Variants in AGMO observed in about 807,000 individuals in gnomAD.
AGMO encodes alkylglycerol monooxygenase.
AGMO carries 75 observed loss-of-function variants against 60.2 expected under a neutral mutation model. That is an observed-to-expected ratio of 1.25 (90% CI 1.03 to 1.51). The LOEUF (loss-of-function observed/expected upper bound fraction) is 1.51, where lower values mean the gene tolerates loss of function less well. AGMO is among the 40% of genes most tolerant of loss of function. The pLI is 0.00. For missense variants in AGMO, 763 were observed against 525.5 expected, an observed-to-expected ratio of 1.45 and a Z score of -4.42; for synonymous variants, 261 against 177.1, an observed-to-expected ratio of 1.47 and a Z score of -3.76.
intron 3 of AGMO, among the ~76,000 whole-genome samples, chr7:15,453,661 G>A (rs1781914181): frequency 6.6e-6 from 1 of 152,112 alleles, no homozygotes; most frequent in Non-Finnish European, 1.5e-5. Context: ...AAACCTAGAA[G>A]GTGAAAAACA....
chr7:15,426,975 T>C (rs1039715788), intron 4 of AGMO, among the ~76,000 whole-genome samples: 1 of 152,144 alleles, frequency 6.6e-6, no homozygotes, highest in Non-Finnish European at 1.5e-5. Flanking sequence ...ATAAGGAGTC[T>C]ATTATATTCC....
At chr7:15,330,371 C>T (rs1196272928) in intron 12 of AGMO, among the ~76,000 whole-genome samples, 2 of 152,112 alleles carry the variant, frequency 1.3e-5, no homozygotes, top group Admixed American at 1.3e-4. Context: ...TGTTCTTATA[C>T]AAATTAAATT....
intron 3 of AGMO, among the ~76,000 whole-genome samples, chr7:15,477,631 C>T (rs1335421300): frequency 6.6e-6 from 1 of 152,124 alleles, no homozygotes; most frequent in African/African-American, 2.4e-5. Flanking sequence ...AGGCAGTTCA[C>T]TGATGTCCAC....
At chr7:15,120,469 C>T in the AGMO span, among the ~76,000 whole-genome samples, 11 of 152,066 alleles carry the variant, frequency 7.2e-5, no homozygotes, top group Middle Eastern at 3.2e-3. Flanking sequence ...ATGGAGCCTT[C>T]GGGAGGTAAT....
chr7:15,527,289 G>C (rs888953833), intron 3 of AGMO, among the ~76,000 whole-genome samples: 1 of 152,182 alleles, frequency 6.6e-6, no homozygotes, highest in African/African-American at 2.4e-5. Context: ...TTCTAGTCCA[G>C]TGAACATATG....
At chr7:15,354,882 A>G (rs1454283386) in intron 12 of AGMO, among the ~76,000 whole-genome samples, 4 of 141,410 alleles carry the variant, frequency 2.8e-5, no homozygotes, top group Non-Finnish European at 6.3e-5. Flanking sequence ...ATATTCTCAT[A>G]TGTTACATAA....
At chr7:15,236,241 ACT>A (rs1343682640) in intron 12 of AGMO, among the ~76,000 whole-genome samples, 2 of 152,126 alleles carry the variant, frequency 1.3e-5, no homozygotes, top group African/African-American at 4.8e-5. Context: ...GTTGAATAAT[ACT>A]CTGTCTAGAA....
At chr7:15,452,214 C>G (rs1402784069) in intron 3 of AGMO, among the ~76,000 whole-genome samples, 1 of 148,336 alleles carries the variant, frequency 6.7e-6, no homozygotes, top group Non-Finnish European at 1.5e-5. Flanking sequence ...GAAGGCCAAG[C>G]AAAGAGAAAA....
At chr7:15,318,939 T>C (rs1024635471) in intron 12 of AGMO, among the ~76,000 whole-genome samples, 2 of 152,144 alleles carry the variant, frequency 1.3e-5, no homozygotes, top group Non-Finnish European at 2.9e-5. Flanking sequence ...TACTTGATCA[T>C]TCTTATTGGT....
chr7:15,457,212 C>A (rs1041958311), intron 3 of AGMO, among the ~76,000 whole-genome samples: 2 of 152,112 alleles, frequency 1.3e-5, no homozygotes, highest in Non-Finnish European at 2.9e-5. Context: ...GTATTCTATG[C>A]TTCAAAATCA....
chr7:15,440,388 T>A (rs895462717), intron 3 of AGMO, among the ~76,000 whole-genome samples: 1 of 152,138 alleles, frequency 6.6e-6, no homozygotes, highest in Non-Finnish European at 1.5e-5. Context: ...TGAAAGTGAA[T>A]CTGTGAAGAG....
intron 12 of AGMO, among the ~76,000 whole-genome samples, chr7:15,341,465 T>G (rs1781844114): frequency 6.6e-6 from 1 of 152,166 alleles, no homozygotes; most frequent in Non-Finnish European, 1.5e-5. Flanking sequence ...CAGCCTAGAC[T>G]TTATTGTCCA....
chr7:15,180,362 G>C, the AGMO span, among the ~76,000 whole-genome samples: 1 of 152,000 alleles, frequency 6.6e-6, no homozygotes, highest in African/African-American at 2.4e-5. Context: ...TCATATTCCA[G>C]TTCATCACTC....
chr7:15,210,400 CT>C (rs1234614598), intron 12 of AGMO, among the ~76,000 whole-genome samples: 1 of 152,072 alleles, frequency 6.6e-6, no homozygotes, highest in Admixed American at 6.6e-5. Context: ...TGTTGATTTA[CT>C]TTTTAAGTCA....
chr7:15,206,404 A>C (rs1563034406), intron 12 of AGMO, among the ~76,000 whole-genome samples: 1 of 152,102 alleles, frequency 6.6e-6, no homozygotes, highest in Non-Finnish European at 1.5e-5. Context: ...AATAAATTAC[A>C]AATACTGCAT....
chr7:15,348,874 A>T (rs534028664), intron 12 of AGMO, among the ~76,000 whole-genome samples: 1 of 152,102 alleles, frequency 6.6e-6, no homozygotes. Context: ...CTGAAAAAAA[A>T]ATTGCACCGT....
intron 12 of AGMO, among the ~76,000 whole-genome samples, chr7:15,252,572 A>T (rs1392850216): frequency 6.6e-6 from 1 of 152,194 alleles, no homozygotes; most frequent in Admixed American, 6.5e-5. Context: ...TGAAGAACTG[A>T]ATGACACTGA....
the AGMO span, among the ~76,000 whole-genome samples, chr7:15,147,419 G>A: frequency 6.6e-6 from 1 of 152,098 alleles, no homozygotes; most frequent in East Asian, 1.9e-4. Flanking sequence ...CGAGAGAGAG[G>A]ACGTGTAGGG....
At chr7:15,179,124 T>A in the AGMO span, among the ~76,000 whole-genome samples, 1 of 152,154 alleles carries the variant, frequency 6.6e-6, no homozygotes, top group African/African-American at 2.4e-5. Flanking sequence ...AACCACAGCA[T>A]TCCTTCCGAA....
Sources: allele counts gnomAD v4.1 joint callset (sites outside exome capture counted in the v4.1 genomes callset), GRCh38; gene constraint gnomAD v4.1.1; transcripts MANE v1.5; gene names NCBI Gene and HGNC (gene_info 2026-07-23, HGNC 2026-07-21).